CDH12: variants seen among roughly 807,000 people sequenced by gnomAD.
CDH12 encodes cadherin-12.
In CDH12, 41 loss-of-function variants were observed where a neutral mutation model predicts 74.1. The observed-to-expected ratio is 0.55, with a 90% CI of 0.43 to 0.72. CDH12 has a LOEUF of 0.72. Among genes scored for constraint, CDH12 ranks in the 30% least tolerant of loss-of-function variants. The probability of loss-of-function intolerance (pLI) is 0.00; values close to 1 mark genes in which losing one functional copy is unlikely to be tolerated. For synonymous variants in CDH12, 399 were observed against 355.0 expected (o/e 1.12, Z -1.39); for missense variants, 945 against 977.2 (o/e 0.97, Z 0.44).
intron 1 of CDH12, among the ~76,000 whole-genome samples, chr5:22,521,981 A>G (rs529364264): frequency 6.6e-6 from 1 of 152,286 alleles, no homozygotes; most frequent in African/African-American, 2.4e-5. Context: ...ATATTCCAAC[A>G]TTGCCTGTAA....
chr5:22,073,283 C>T (rs575566715), intron 5 of CDH12, among the ~76,000 whole-genome samples: 3 of 152,182 alleles, frequency 2.0e-5, no homozygotes, highest in Non-Finnish European at 4.4e-5. Flanking sequence ...TTAAGAATTG[C>T]TGCTAACAGG....
chr5:22,747,605 G>GC (rs1283817054), intron 1 of CDH12, among the ~76,000 whole-genome samples: 2 of 45,522 alleles, frequency 4.4e-5, no homozygotes, highest in Non-Finnish European at 9.2e-5. Context: ...GTGAGACGCT[G>GC]CCAAAAAAAA....
intron 3 of CDH12, among the ~76,000 whole-genome samples, chr5:22,403,740 C>T (rs753771702): frequency 1.4e-4 from 21 of 152,066 alleles, no homozygotes; most frequent in Admixed American, 2.6e-4. Context: ...ATGAGGTTTT[C>T]GGTGCTAGTA....
At chr5:22,843,658 A>G (rs1431416033) in intron 1 of CDH12, among the ~76,000 whole-genome samples, 2 of 151,268 alleles carry the variant, frequency 1.3e-5, no homozygotes, top group African/African-American at 4.9e-5. Context: ...ATGCATACAC[A>G]TGGGTAATAA....
At chr5:22,546,462 A>G (rs922213379) in intron 1 of CDH12, among the ~76,000 whole-genome samples, 4 of 152,148 alleles carry the variant, frequency 2.6e-5, no homozygotes, top group Admixed American at 2.0e-4. Context: ...AAACTAACCA[A>G]TCATCGACCT....
At chr5:22,292,396 G>T (rs1446910482) in intron 3 of CDH12, among the ~76,000 whole-genome samples, 1 of 146,406 alleles carries the variant, frequency 6.8e-6, no homozygotes, top group Non-Finnish European at 1.5e-5. Context: ...TAGACAAATG[G>T]GATTACATAA....
In CDH12 at chr5:21,983,113, T is replaced by G. The variant is rs964288554; in HGVS notation, c.232-7728A>C. Among the ~76,000 whole-genome samples the G allele has an allele frequency of 1.6e-3, 249 of 152,268 alleles. 11 individuals are homozygous for G. Among genetic ancestry groups the G allele is most frequent in the Admixed American group, 0.016 (246 of 15,278 alleles). On this transcript the variant is annotated intron_variant, in intron 5 of 14. Coordinates refer to ENST00000382254, the MANE Select transcript of CDH12 (RefSeq NM_004061.5). The stretch of plus-strand genomic sequence containing the variant: ...GGATGTTATATTTACTTTGGTTTAC[T>G]ATTTTGTTGTCTTGCACTAATTTTA...
At chr5:21,899,713 A>G (rs1212087432) in intron 6 of CDH12, among the ~76,000 whole-genome samples, 5 of 151,988 alleles carry the variant, frequency 3.3e-5, no homozygotes, top group African/African-American at 1.2e-4. Flanking sequence ...AAAGTTATTT[A>G]AAAGGTTTGT....
At chr5:22,781,434 T>C (rs1747377758) in intron 1 of CDH12, among the ~76,000 whole-genome samples, 3 of 152,158 alleles carry the variant, frequency 2.0e-5, no homozygotes, top group Admixed American at 6.5e-5. Flanking sequence ...TTTCTTCTTC[T>C]TTCTGTCTAT....
At chr5:22,556,578 G>A (rs960060816) in intron 1 of CDH12, among the ~76,000 whole-genome samples, 1 of 151,976 alleles carries the variant, frequency 6.6e-6, no homozygotes, top group Admixed American at 6.6e-5. Flanking sequence ...ATGTTCTATA[G>A]CACTTTTTAA....
chr5:22,780,976 A>G (rs1435728006), intron 1 of CDH12, among the ~76,000 whole-genome samples: 2 of 152,146 alleles, frequency 1.3e-5, no homozygotes, highest in Non-Finnish European at 2.9e-5. Flanking sequence ...CAAACACCCT[A>G]TAACCTTACC....
chr5:21,922,132 A>G (rs1366966998), intron 6 of CDH12, among the ~76,000 whole-genome samples: 1 of 152,160 alleles, frequency 6.6e-6, no homozygotes, highest in African/African-American at 2.4e-5. Flanking sequence ...ATTTGCCCAT[A>G]GTTCTGAAAT....
At chr5:22,210,762 T>A (rs1245921023) in intron 4 of CDH12, among the ~76,000 whole-genome samples, 1 of 151,852 alleles carries the variant, frequency 6.6e-6, no homozygotes, top group Non-Finnish European at 1.5e-5. Flanking sequence ...TTCAGCGACA[T>A]GCAAGTTCGC....
At chr5:21,984,378 A>G (rs1757429469) in intron 5 of CDH12, among the ~76,000 whole-genome samples, 2 of 152,158 alleles carry the variant, frequency 1.3e-5, no homozygotes, top group Non-Finnish European at 2.9e-5. Context: ...TATGGGAGAA[A>G]TTCTGTATAT....
chr5:22,776,788 A>G (rs765030764), intron 1 of CDH12, among the ~76,000 whole-genome samples: 1 of 152,140 alleles, frequency 6.6e-6, no homozygotes, highest in Non-Finnish European at 1.5e-5. Flanking sequence ...TTTCTTTATT[A>G]TCAATATTTT....
intron 4 of CDH12, among the ~76,000 whole-genome samples, chr5:22,131,792 T>A (rs557708521): frequency 3.9e-4 from 60 of 152,200 alleles, no homozygotes; most frequent in Middle Eastern, 3.4e-3. Flanking sequence ...ACAGAAATGT[T>A]TGGTTGGTAG....
intron 1 of CDH12, among the ~76,000 whole-genome samples, chr5:22,635,683 AG>A (rs1433508358): frequency 6.6e-6 from 1 of 152,200 alleles, no homozygotes; most frequent in African/African-American, 2.4e-5. Flanking sequence ...TAGGAGGCTG[AG>A]GCAGGCGGAT....
At chr5:22,297,484 T>C (rs1737683115) in intron 3 of CDH12, among the ~76,000 whole-genome samples, 1 of 152,138 alleles carries the variant, frequency 6.6e-6, no homozygotes, top group Non-Finnish European at 1.5e-5. Context: ...CTGATTAGAG[T>C]AGAATCAGAA....
intron 3 of CDH12, among the ~76,000 whole-genome samples, chr5:22,260,790 C>T (rs1169187539): frequency 6.6e-6 from 1 of 151,936 alleles, no homozygotes; most frequent in South Asian, 2.1e-4. Context: ...TGCTTTAAGA[C>T]GTTGACATAT....
Sources: gnomAD v4.1 joint callset for allele counts (sites outside exome capture counted in the v4.1 genomes callset) on GRCh38, gnomAD v4.1.1 for gene constraint, MANE v1.5 for transcripts, NCBI Gene and HGNC (gene_info 2026-07-23, HGNC 2026-07-21) for gene names.